ZNF385D: variants seen among roughly 807,000 people sequenced by gnomAD.
The protein encoded by ZNF385D is zinc finger protein 385D, also known as zinc finger protein 659.
ZNF385D carries 15 observed loss-of-function variants against 35.8 expected under a neutral mutation model. The ratio of observed to expected loss-of-function variants is 0.42; its 90% CI spans 0.28 to 0.64. The LOEUF (loss-of-function observed/expected upper bound fraction) is 0.64. ZNF385D is among the 30% of genes least tolerant of loss of function. ZNF385D has a pLI of 0.23. For synonymous variants in ZNF385D, 212 were observed against 186.8 expected (o/e 1.13, Z -1.10); for missense variants, 474 against 494.6 (o/e 0.96, Z 0.39).
chr3:22,167,899 A>G (rs1172398972), intron 3 of ZNF385D, among the ~76,000 whole-genome samples: 2 of 152,226 alleles, frequency 1.3e-5, no homozygotes, highest in Non-Finnish European at 2.9e-5. Context: ...CATTCATACT[A>G]AAATCAAATA....
intron 3 of ZNF385D, among the ~76,000 whole-genome samples, chr3:21,768,174 G>A (rs1226611121): frequency 6.6e-6 from 1 of 151,998 alleles, no homozygotes; most frequent in Non-Finnish European, 1.5e-5. Context: ...CTTAATGCCT[G>A]CATTTTGATT....
chr3:21,989,211 C>T (rs1053761830), intron 3 of ZNF385D, among the ~76,000 whole-genome samples: 6 of 152,250 alleles, frequency 3.9e-5, no homozygotes, highest in South Asian at 2.1e-4. Flanking sequence ...AGAATAGTTT[C>T]TGTAGGAATG....
intron 3 of ZNF385D, among the ~76,000 whole-genome samples, chr3:21,825,959 C>G (rs1282106063): frequency 6.6e-6 from 1 of 152,086 alleles, no homozygotes; most frequent in Admixed American, 6.5e-5. Context: ...ACTGTGCATG[C>G]GAGGGATCTA....
At chr3:22,140,365 T>C (rs916170260) in intron 3 of ZNF385D, among the ~76,000 whole-genome samples, 2 of 152,172 alleles carry the variant, frequency 1.3e-5, no homozygotes, top group African/African-American at 4.8e-5. Context: ...TACAACATTT[T>C]CAAAATGACA....
intron 2 of ZNF385D, among the ~76,000 whole-genome samples, chr3:21,605,938 C>A (rs73137066): frequency 0.014 from 2,177 of 152,212 alleles, 56 homozygotes; most frequent in African/African-American, 0.05. Context: ...AGGAAAACCA[C>A]GTAATGCACA....
At chr3:22,101,393 G>C (rs559424994) in intron 3 of ZNF385D, among the ~76,000 whole-genome samples, 1 of 152,182 alleles carries the variant, frequency 6.6e-6, no homozygotes, top group African/African-American at 2.4e-5. Flanking sequence ...AGCAAAGGAT[G>C]CAAGTTCACT....
intron 3 of ZNF385D, among the ~76,000 whole-genome samples, chr3:21,903,009 T>C (rs1009393196): frequency 1.3e-5 from 2 of 152,080 alleles, no homozygotes; most frequent in African/African-American, 2.4e-5. Context: ...AACTTCACCA[T>C]TGGTCTAATA....
At chr3:21,500,827 T>C (rs2125438186) in intron 4 of ZNF385D, among the ~76,000 whole-genome samples, 1 of 152,298 alleles carries the variant, frequency 6.6e-6, no homozygotes, top group Admixed American at 6.5e-5. Context: ...TTTTCGTTTT[T>C]AAAGACATTT....
At chr3:22,265,575 C>A (rs79812301) in intron 2 of ZNF385D, among the ~76,000 whole-genome samples, 4 of 151,900 alleles carry the variant, frequency 2.6e-5, no homozygotes, top group Non-Finnish European at 5.9e-5. Context: ...ACCTAACACA[C>A]GCTATCAAAT....
At chr3:21,673,062 C>G (rs1034530049) in intron 1 of ZNF385D, among the ~76,000 whole-genome samples, 12 of 152,022 alleles carry the variant, frequency 7.9e-5, no homozygotes, top group African/African-American at 2.7e-4. Flanking sequence ...CTGGAATATT[C>G]CTCTCAAGTT....
At chr3:22,354,370 T>C (rs1446461411) in intron 2 of ZNF385D, among the ~76,000 whole-genome samples, 1 of 152,140 alleles carries the variant, frequency 6.6e-6, no homozygotes, top group Non-Finnish European at 1.5e-5. Flanking sequence ...TCTTGATAAA[T>C]GTTGGCTGCT....
intron 2 of ZNF385D, among the ~76,000 whole-genome samples, chr3:22,234,427 CT>C (rs1559469427): frequency 2.6e-5 from 4 of 152,060 alleles, no homozygotes; most frequent in African/African-American, 9.7e-5. Context: ...GTCCTCAAAT[CT>C]AAATCATTCA....
chr3:21,866,693 T>C (rs969776364), intron 3 of ZNF385D, among the ~76,000 whole-genome samples: 1 of 152,152 alleles, frequency 6.6e-6, no homozygotes, highest in African/African-American at 2.4e-5. Context: ...TGCTATAGAG[T>C]AACTTGTTTT....
chr3:21,660,005 C>T lies in ZNF385D; in HGVS notation c.165+4881G>A, dbSNP rs114690531. ...CTGTCCTCCAATGGATAAAACTCCT[C>T]GACTTGTTGATCAAAACCCAACCTC... On this transcript the variant is annotated intron_variant, in intron 2 of 7. Coordinates refer to ENST00000281523, the MANE Select transcript of ZNF385D (RefSeq NM_024697.3). Among the ~76,000 whole-genome samples, 185 of 152,170 alleles carry T rather than the reference C, an allele frequency of 1.2e-3. 1 individual carries two copies. The highest frequency in any genetic ancestry group is 1.9e-3 in the Non-Finnish European group (130 of 68,006).
At chr3:21,791,844 C>T (rs199888081) in intron 3 of ZNF385D, among the ~76,000 whole-genome samples, 2 of 152,082 alleles carry the variant, frequency 1.3e-5, no homozygotes, top group East Asian at 3.9e-4. Flanking sequence ...AAGCAATTCT[C>T]CTGCCTCAGC....
At chr3:21,938,245 G>C (rs1701354551) in intron 3 of ZNF385D, among the ~76,000 whole-genome samples, 1 of 152,192 alleles carries the variant, frequency 6.6e-6, no homozygotes, top group Admixed American at 6.5e-5. Flanking sequence ...CTTTCTCTCA[G>C]TTATGCACAA....
At chr3:22,124,806 C>G (rs1703332567) in intron 3 of ZNF385D, among the ~76,000 whole-genome samples, 1 of 151,960 alleles carries the variant, frequency 6.6e-6, no homozygotes, top group African/African-American at 2.4e-5. Flanking sequence ...CCTTATATAT[C>G]TGGTTATTAG....
At chr3:22,037,057 C>T (rs1392147092) in intron 3 of ZNF385D, among the ~76,000 whole-genome samples, 2 of 151,944 alleles carry the variant, frequency 1.3e-5, no homozygotes, top group East Asian at 1.9e-4. Context: ...TTTTTTATGG[C>T]TGCATAGTAT....
At chr3:21,802,918 A>T (rs984655109) in intron 3 of ZNF385D, among the ~76,000 whole-genome samples, 1 of 152,216 alleles carries the variant, frequency 6.6e-6, no homozygotes, top group South Asian at 2.1e-4. Context: ...CCCAGGAGGA[A>T]CAAGGAAAGA....
Sources: allele counts gnomAD v4.1 joint callset (sites outside exome capture counted in the v4.1 genomes callset), GRCh38; gene constraint gnomAD v4.1.1; transcripts MANE v1.5; gene names NCBI Gene and HGNC (gene_info 2026-07-23, HGNC 2026-07-21).